The following CADM2 variants were observed in gnomAD, a reference collection of about 807,000 sequenced individuals.
CADM2 encodes immunoglobulin superfamily member 4D.
A neutral mutation model predicts 49.8 loss-of-function variants in CADM2; 12 were observed. The ratio of observed to expected loss-of-function variants is 0.24; its 90% CI spans 0.15 to 0.39. The LOEUF (loss-of-function observed/expected upper bound fraction) is 0.39. CADM2 is among the 10% of genes least tolerant of loss of function. The probability of loss-of-function intolerance (pLI) is 1.00; values close to 1 mark genes in which losing one functional copy is unlikely to be tolerated. For synonymous variants in CADM2, 214 were observed against 175.4 expected, an observed-to-expected ratio of 1.22 and a Z score of -1.74; for missense variants, 378 against 492.3, an observed-to-expected ratio of 0.77 and a Z score of 2.20.
intron 1 of CADM2, among the ~76,000 whole-genome samples, chr3:85,188,142 A>G (rs1296612573): frequency 6.6e-6 from 1 of 152,038 alleles, no homozygotes; most frequent in Non-Finnish European, 1.5e-5. Context: ...TTTTCATTGG[A>G]TATGATTTAA....
At chr3:84,960,003 A>G (rs1046849248) in intron 1 of CADM2, 3 of 401,550 alleles carry the variant, frequency 7.5e-6, no homozygotes, top group Admixed American at 4.4e-5. Flanking sequence ...TGAACATTCC[A>G]CCCTCCCGAC....
chr3:85,212,931 A>C (rs2041835597), intron 1 of CADM2, among the ~76,000 whole-genome samples: 1 of 144,198 alleles, frequency 6.9e-6, no homozygotes, highest in African/African-American at 2.6e-5. Flanking sequence ...CCCAGACTGG[A>C]GTGCAATGGC....
intron 8 of CADM2, among the ~76,000 whole-genome samples, chr3:86,001,288 A>G (rs1232855070): frequency 6.6e-6 from 1 of 152,152 alleles, no homozygotes; most frequent in East Asian, 1.9e-4. Context: ...AGAGTTGGAT[A>G]TACAGATCTG....
chr3:85,913,663 C>T (rs1717909726), intron 6 of CADM2, among the ~76,000 whole-genome samples: 2 of 152,120 alleles, frequency 1.3e-5, no homozygotes, highest in African/African-American at 4.8e-5. Flanking sequence ...ATCACCTCCG[C>T]TATCACCAAC....
At chr3:85,642,571 T>G (rs2107556509) in intron 1 of CADM2, among the ~76,000 whole-genome samples, 1 of 152,258 alleles carries the variant, frequency 6.6e-6, no homozygotes, top group East Asian at 1.9e-4. Context: ...TTTAATCAAT[T>G]ATGATGATAA....
At chr3:85,079,633 C>CA (rs2062751904) in intron 1 of CADM2, among the ~76,000 whole-genome samples, 1 of 151,736 alleles carries the variant, frequency 6.6e-6, no homozygotes, top group African/African-American at 2.4e-5. Context: ...GAATGCAACA[C>CA]AGTCATTATC....
At chr3:85,515,754 G>C (rs1218004173) in intron 1 of CADM2, among the ~76,000 whole-genome samples, 6 of 151,398 alleles carry the variant, frequency 4.0e-5, no homozygotes, top group Admixed American at 4.0e-4. Flanking sequence ...TGGGATTACA[G>C]ACATGAGCCA....
rs989472029 is a variant in CADM2 at position 85,880,130 on chromosome 3, T to G, written c.239-3161T>G. Among the ~76,000 whole-genome samples the G allele has an allele frequency of 4.6e-5, 7 of 152,314 alleles. No individual in the cohort carries two copies. The South Asian group carries it at 8.3e-4, about 18-fold the overall frequency. On this transcript the variant is annotated intron_variant, in intron 3 of 9. Transcript: ENST00000383699. ...ATTTATAGAGTTTTTGAGTGTATTC[T>G]TTGTGTGCGTTTCTTAGTGGTTGCT...
intron 1 of CADM2, among the ~76,000 whole-genome samples, chr3:85,087,570 T>G (rs1466886373): frequency 6.6e-6 from 1 of 152,174 alleles, no homozygotes; most frequent in Non-Finnish European, 1.5e-5. Flanking sequence ...AAAGAAGGCT[T>G]TTAAGAAATA....
In CADM2 at chr3:85,784,530, T is replaced by TATC. The variant is rs1266563614; in HGVS notation, c.89-17517_89-17516insATC. Among the ~76,000 whole-genome samples, 306 of 142,324 alleles carry TATC rather than the reference T, an allele frequency of 2.2e-3. 2 individuals are homozygous for TATC. Among genetic ancestry groups the TATC allele is most frequent in the African/African-American group, 7.0e-3 (261 of 37,348 alleles). The allele number at this position is 142,324 out of a possible 152,430, so 93.4% of individuals were successfully genotyped here. A position where few individuals can be genotyped will look rare whatever the true frequency, so the allele number is the denominator to read the frequency against. On this transcript the variant is annotated intron_variant, in intron 2 of 9. Transcript: ENST00000383699. The stretch of plus-strand genomic sequence containing the variant: ...AAGAAAGAAAGAGATCTAAATATAT[T>TATC]TATCTATCTATCTATCTATCTATCT...
chr3:85,886,403 A>G, intron 5 of CADM2, 76 bp downstream of exon 5: 1 of 1,120,826 alleles, frequency 8.9e-7, no homozygotes. Flanking sequence ...GGCATTTTAC[A>G]TTATTTTTCA....
At chr3:85,944,727 A>G (rs1283148370) in intron 7 of CADM2, among the ~76,000 whole-genome samples, 6 of 152,136 alleles carry the variant, frequency 3.9e-5, no homozygotes, top group Non-Finnish European at 8.8e-5. Context: ...TTTGAAACCA[A>G]CGAGAACAAA....
chr3:85,558,807 G>A (rs572621708), intron 1 of CADM2, among the ~76,000 whole-genome samples: 6 of 151,958 alleles, frequency 3.9e-5, no homozygotes, highest in African/African-American at 7.2e-5. Context: ...AAAGCATCTC[G>A]TTCATTTGGA....
chr3:85,141,952 A>G (rs1187876605), intron 1 of CADM2, among the ~76,000 whole-genome samples: 3 of 152,212 alleles, frequency 2.0e-5, no homozygotes, highest in East Asian at 1.9e-4. Context: ...AATTGTGTTT[A>G]TATTAATCAT....
chr3:85,933,890 C>A (rs534501224), intron 6 of CADM2, among the ~76,000 whole-genome samples: 1 of 152,134 alleles, frequency 6.6e-6, no homozygotes, highest in East Asian at 1.9e-4. Flanking sequence ...TTTATTTAGT[C>A]TTTCAAGAGA....
chr3:85,643,859 T>C (rs1247663439), intron 1 of CADM2, among the ~76,000 whole-genome samples: 1 of 152,180 alleles, frequency 6.6e-6, no homozygotes, highest in Non-Finnish European at 1.5e-5. Flanking sequence ...TCATAGATGT[T>C]AGAGCCCTAC....
intron 1 of CADM2, among the ~76,000 whole-genome samples, chr3:85,130,614 A>G (rs1379905905): frequency 6.6e-6 from 1 of 152,204 alleles, no homozygotes; most frequent in Non-Finnish European, 1.5e-5. Flanking sequence ...GTATAAAATA[A>G]TTGGTCATAG....
At chr3:85,576,795 A>G (rs1212628511) in intron 1 of CADM2, among the ~76,000 whole-genome samples, 1 of 152,188 alleles carries the variant, frequency 6.6e-6, no homozygotes, top group Non-Finnish European at 1.5e-5. Context: ...ATCTACTCTT[A>G]AAACTATTAC....
chr3:85,443,695 G>C (rs553188544), intron 1 of CADM2, among the ~76,000 whole-genome samples: 3 of 152,120 alleles, frequency 2.0e-5, no homozygotes, highest in African/African-American at 7.2e-5. Flanking sequence ...AATGTACCTG[G>C]CTGCCCTTTA....
Sources: gnomAD v4.1 joint callset for allele counts (sites outside exome capture counted in the v4.1 genomes callset) on GRCh38, gnomAD v4.1.1 for gene constraint, MANE v1.5 for transcripts, NCBI Gene and HGNC (gene_info 2026-07-23, HGNC 2026-07-21) for gene names.